Variants in CA1 observed in about 807,000 individuals in gnomAD.
CA1 encodes carbonate dehydratase I.
In CA1, 27 loss-of-function variants were observed where a neutral mutation model predicts 28.8. The observed-to-expected ratio is 0.94, with a 90% CI of 0.69 to 1.29. The LOEUF (loss-of-function observed/expected upper bound fraction) is 1.29, where lower values mean the gene tolerates loss of function less well. CA1 is among the 50% of genes most tolerant of loss of function. The probability of loss-of-function intolerance (pLI) is 0.00; values close to 1 mark genes in which losing one functional copy is unlikely to be tolerated. For missense variants in CA1, 335 were observed against 310.5 expected (o/e 1.08, Z -0.59); for synonymous variants, 121 against 108.8 (o/e 1.11, Z -0.70).
chr8:85,367,995 C>G (rs968932343), intron 1 of CA1, among the ~76,000 whole-genome samples: 1 of 151,942 alleles, frequency 6.6e-6, no homozygotes, highest in African/African-American at 2.4e-5. Context: ...TTAAATCTCA[C>G]TTATTTTCTT....
Position 85,331,711 on chromosome 8 carries a change from G to T in CA1, c.513+779C>A, listed in dbSNP as rs1051094444. 7.2e-5 allele frequency among the ~76,000 whole-genome samples: 11 copies of T among 151,980 alleles called. 1 individual carries two copies. Among genetic ancestry groups the T allele is most frequent in the Non-Finnish European group, 1.3e-4 (9 of 68,014 alleles). On this transcript the variant is annotated intron_variant, in intron 6 of 7. Coordinates refer to ENST00000523022, the MANE Select transcript of CA1 (RefSeq NM_001128831.4). The stretch of plus-strand genomic sequence containing the variant: ...GACCTCAAGCAATCTACCCGCCTCG[G>T]CCTCCCAAAGTGCAGTGATTACAGG...
At chr8:85,346,784 A>C (rs779056045) in intron 1 of CA1, among the ~76,000 whole-genome samples, 5 of 152,130 alleles carry the variant, frequency 3.3e-5, no homozygotes, top group Non-Finnish European at 5.9e-5. Context: ...ATAAATAATA[A>C]AATTCTGCAC....
chr8:85,338,382 T>C lies in CA1; in HGVS notation c.105A>G (p.Lys35=). The C allele has an allele frequency of 6.2e-7, 1 of 1,614,034 alleles. No individual in the cohort carries two copies. The highest frequency in any genetic ancestry group is 8.5e-7 in the Non-Finnish European group (1 of 1,179,942). Residue 35 remains lysine (K), a synonymous_variant, in exon 3 of 8, where the codon AAA becomes AAG. Transcript: ENST00000523022. ...AGGTGTCATGTTTGGTTTCACTGGT[T>C]TTAATATCAACAGGGGACTGGTTAT... is the stretch of plus-strand genomic sequence containing the variant. ...NGNNQSPVDI[K]TSETKHDTSL... is the part of the protein sequence containing the mutation.
intron 7 of CA1, 40 bp downstream of exon 7, chr8:85,329,649 C>T: frequency 6.5e-7 from 1 of 1,544,906 alleles, no homozygotes; most frequent in East Asian, 2.3e-5. Flanking sequence ...AGTAATATTC[C>T]TGCTACGCAT....
intron 1 of CA1, among the ~76,000 whole-genome samples, chr8:85,372,170 A>G (rs1176701402): frequency 6.6e-6 from 1 of 152,176 alleles, no homozygotes; most frequent in African/African-American, 2.4e-5. Flanking sequence ...ACGATGGACC[A>G]TATGCCATGG....
At chr8:85,335,582 C>T (rs1187740028) in intron 4 of CA1, among the ~76,000 whole-genome samples, 1 of 152,108 alleles carries the variant, frequency 6.6e-6, no homozygotes, top group African/African-American at 2.4e-5. Context: ...TTATAGGTAT[C>T]TCAAGAAGGT....
chr8:85,366,988 C>T (rs972243414), intron 1 of CA1, among the ~76,000 whole-genome samples: 3 of 151,974 alleles, frequency 2.0e-5, no homozygotes, highest in African/African-American at 4.8e-5. Context: ...CTGCAAAGAA[C>T]ATATATCATT....
chr8:85,344,225 TACAGTATA>T (rs1809058877), intron 1 of CA1, among the ~76,000 whole-genome samples: 1 of 62,314 alleles, frequency 1.6e-5, no homozygotes, highest in Non-Finnish European at 2.8e-5. Flanking sequence ...TTATATTATA[TACAGTATA>T]TAATATATAA....
At chr8:85,338,132 C>A in intron 3 of CA1, 120 bp downstream of exon 3, 1 of 952,440 alleles carries the variant, frequency 1.0e-6, no homozygotes. Context: ...CACTAGATTA[C>A]AGCAATGCTG....
At chr8:85,338,536 G>A (rs1028302381) in intron 2 of CA1, 87 bp from the exon 3 acceptor site, 4 of 989,962 alleles carry the variant, frequency 4.0e-6, no homozygotes, top group Middle Eastern at 2.1e-4. Context: ...TTGCTTATTA[G>A]ATTAGGGTTT....
intron 1 of CA1, among the ~76,000 whole-genome samples, chr8:85,365,977 G>T (rs75333883): frequency 6.6e-6 from 1 of 152,102 alleles, no homozygotes; most frequent in South Asian, 2.1e-4. Flanking sequence ...CTGAGTGGGT[G>T]CAATCAATGA....
At chr8:85,332,461 G>C in intron 6 of CA1, 29 bp downstream of exon 6, 3 of 1,527,650 alleles carry the variant, frequency 2.0e-6, no homozygotes, top group Non-Finnish European at 2.7e-6. Context: ...CTTGTTCTCT[G>C]ATTTAAACTA....
At chr8:85,361,384 A>C (rs1809791349) in intron 1 of CA1, among the ~76,000 whole-genome samples, 1 of 152,156 alleles carries the variant, frequency 6.6e-6, no homozygotes, top group Admixed American at 6.5e-5. Flanking sequence ...TGTTAAAGAG[A>C]TATCAGATGT....
chr8:85,328,637 C>A lies in CA1; in HGVS notation c.709G>T (p.Asp237Tyr). 1 of 1,610,828 alleles carries A rather than the reference C, an allele frequency of 6.2e-7. No individual in the cohort carries two copies. The highest frequency in any genetic ancestry group is 8.5e-7 in the Non-Finnish European group (1 of 1,177,828). ...FRSLLSNVEG[D>Y]NAVPMQHNNR... is the part of the protein sequence containing the mutation. Reference sequence around the variant, plus strand: ...TTGTGCTGCATGGGGACAGCGTTATCACCTTCAACATTTGATAGAAGGCTG... The same window carrying A: ...TTGTGCTGCATGGGGACAGCGTTATAACCTTCAACATTTGATAGAAGGCTG... Residue 237 changes from aspartate (D) to tyrosine (Y), a missense_variant, in exon 8 of 8, where the codon GAT (aspartate) becomes TAT (tyrosine). Transcript: ENST00000523022.
intron 1 of CA1, among the ~76,000 whole-genome samples, chr8:85,362,439 A>G (rs751694807): frequency 1.1e-4 from 17 of 152,284 alleles, no homozygotes; most frequent in Middle Eastern, 3.4e-3. Flanking sequence ...TCAAGGACTC[A>G]TTTAGTGATG....
Position 85,341,581 on chromosome 8 carries a change from A to G in CA1, c.37+18T>C, listed in dbSNP as rs1564027417. 6.8e-7 allele frequency: 1 copy of G among 1,472,636 alleles called. No individual in the cohort carries two copies. Among genetic ancestry groups the G allele is most frequent in the Non-Finnish European group, 9.5e-7 (1 of 1,051,056 alleles). The allele number at this position is 1,472,636 out of a possible 1,614,324, so 91.2% of individuals were successfully genotyped here. On this transcript the variant is annotated intron_variant, in intron 2 of 7. Transcript: ENST00000523022. ...AACAAGTTATCATTTTGATCTATAT[A>G]AACAGGAGAACTCTTACCATTTTTG...
rs1585908100 is a variant in CA1 at position 85,328,359 on chromosome 8, C to G, written c.*201G>C. 2.3e-6 allele frequency: 1 copy of G among 426,776 alleles called. No individual in the cohort carries two copies. The highest frequency in any genetic ancestry group is 2.0e-5 in the African/African-American group (1 of 50,116). 26.4% of individuals were successfully genotyped at this position (426,776 alleles called of 1,614,324 possible). On this transcript the variant is annotated 3_prime_UTR_variant, in exon 8 of 8. Transcript: ENST00000523022. The stretch of plus-strand genomic sequence containing the variant: ...AGCATAAGCTTATGCTTACAGATTA[C>G]TATTTGCTAGCTTACTAATTATTAT...
chr8:85,333,768 T>TAC, intron 4 of CA1, 148 bp from the exon 5 acceptor site: 2 of 636,224 alleles, frequency 3.1e-6, no homozygotes, highest in Non-Finnish European at 5.7e-6. Context: ...TTAGAAGAGT[T>TAC]ACATTCTCAC....
At chr8:85,366,538 A>G (rs1264228757) in intron 1 of CA1, among the ~76,000 whole-genome samples, 1 of 152,192 alleles carries the variant, frequency 6.6e-6, no homozygotes, top group East Asian at 1.9e-4. Flanking sequence ...AGCACGAAGT[A>G]CTCCAATAAT....
Sources: allele counts gnomAD v4.1 joint callset (sites outside exome capture counted in the v4.1 genomes callset), GRCh38; gene constraint gnomAD v4.1.1; transcripts MANE v1.5; gene names NCBI Gene and HGNC (gene_info 2026-07-23, HGNC 2026-07-21).